The following MED30 variants were observed in gnomAD, a reference collection of about 807,000 sequenced individuals.
MED30 encodes mediator of RNA polymerase II transcription subunit 30.
In MED30, 8 loss-of-function variants were observed where a neutral mutation model predicts 21.7. The observed-to-expected ratio is 0.37, with a 90% confidence interval of 0.22 to 0.67. The LOEUF is 0.67. MED30 is among the 30% of genes least tolerant of loss of function. The pLI is 0.58. For synonymous variants in MED30, 79 were observed against 86.7 expected, an observed-to-expected ratio of 0.91 and a Z score of 0.49; for missense variants, 203 against 228.2, an observed-to-expected ratio of 0.89 and a Z score of 0.71.
intron 3 of MED30, among the ~76,000 whole-genome samples, chr8:117,531,642 C>G (rs1256717832): frequency 1.3e-5 from 2 of 151,300 alleles, no homozygotes; most frequent in African/African-American, 4.8e-5. Flanking sequence ...TGATAAAATT[C>G]AATACTGTTG....
chr8:117,531,689 G>A (rs1818793986), intron 3 of MED30, among the ~76,000 whole-genome samples: 3 of 151,822 alleles, frequency 2.0e-5, no homozygotes, highest in Admixed American at 2.0e-4. Context: ...TAGCAAGACA[G>A]TGTGTTTTTT....
chr8:117,530,941 T>G, intron 3 of MED30, 114 bp downstream of exon 3: 1 of 737,260 alleles, frequency 1.4e-6, no homozygotes, highest in Non-Finnish European at 2.2e-6. Context: ...AAGTTGTTTC[T>G]GCGGCAAACT....
intron 1 of MED30, among the ~76,000 whole-genome samples, chr8:117,524,693 T>C (rs1818692300): frequency 6.6e-6 from 1 of 152,228 alleles, no homozygotes; most frequent in South Asian, 2.1e-4. Flanking sequence ...TTCCTATCTC[T>C]TATACTATGT....
chr8:117,539,182 C>G (rs1455228038), intron 3 of MED30, among the ~76,000 whole-genome samples: 1 of 152,106 alleles, frequency 6.6e-6, no homozygotes, highest in East Asian at 1.9e-4. Flanking sequence ...ATAATTAGGT[C>G]AGTGTTGTAA....
intron 1 of MED30, among the ~76,000 whole-genome samples, chr8:117,521,583 A>G (rs1818622254): frequency 1.3e-5 from 2 of 152,038 alleles, no homozygotes; most frequent in Admixed American, 6.5e-5. Context: ...GTTTCTTCAT[A>G]CCCCTCTGAC....
chr8:117,531,986 C>G (rs968015210), intron 3 of MED30, among the ~76,000 whole-genome samples: 4 of 151,902 alleles, frequency 2.6e-5, no homozygotes, highest in African/African-American at 9.7e-5. Flanking sequence ...CATGCTCTTA[C>G]AATGCTGTAA....
At chr8:117,537,128 G>A (rs1818891925) in intron 3 of MED30, among the ~76,000 whole-genome samples, 1 of 152,220 alleles carries the variant, frequency 6.6e-6, no homozygotes, top group Admixed American at 6.5e-5. Context: ...GTATTTACAA[G>A]GTTGGCATTG....
intron 1 of MED30, among the ~76,000 whole-genome samples, chr8:117,521,878 T>C (rs946315791): frequency 1.3e-4 from 20 of 152,242 alleles, no homozygotes; most frequent in African/African-American, 3.4e-4. Flanking sequence ...CTATGAACTT[T>C]TGCTGACAAA....
chr8:117,523,692 G>A, intron 1 of MED30: 2 of 1,570,420 alleles, frequency 1.3e-6, no homozygotes, highest in Non-Finnish European at 1.7e-6. Flanking sequence ...ATCCTCCTTG[G>A]CCACCATGAT....
chr8:117,538,321 T>TG (rs1818916519), intron 3 of MED30, among the ~76,000 whole-genome samples: 1 of 152,222 alleles, frequency 6.6e-6, no homozygotes, highest in Admixed American at 6.5e-5. Context: ...TTGTGCTAGT[T>TG]CTCTTTTCAA....
intron 3 of MED30, among the ~76,000 whole-genome samples, chr8:117,536,262 A>G (rs1407338249): frequency 6.6e-6 from 1 of 152,200 alleles, no homozygotes; most frequent in Admixed American, 6.5e-5. Context: ...GTTTTGATGA[A>G]TATTTACAGA....
chr8:117,539,515 T>G (rs570525156), intron 3 of MED30, among the ~76,000 whole-genome samples: 1 of 152,190 alleles, frequency 6.6e-6, no homozygotes, highest in South Asian at 2.1e-4. Flanking sequence ...CTTCCAGAGA[T>G]CTGGCTCTAG....
At chr8:117,527,779 A>G (rs1169779987) in intron 1 of MED30, among the ~76,000 whole-genome samples, 2 of 151,640 alleles carry the variant, frequency 1.3e-5, no homozygotes, top group African/African-American at 4.8e-5. Flanking sequence ...ATACTAGAAA[A>G]CGTGGTACTG....
At position 117,528,808 on chromosome 8, in the gene MED30, A is replaced by C. The variant is rs1818757277; in HGVS notation, c.335A>C (p.Glu112Ala). 6.3e-7 allele frequency: 1 copy of C among 1,594,728 alleles called. No individual in the cohort carries two copies. The highest frequency in any genetic ancestry group is 1.4e-5 in the African/African-American group (1 of 74,030). The change falls in exon 2 of 4, where the codon GAG (glutamate) becomes GCG (alanine). Residue 112 changes from glutamate (E) to alanine (A), a missense_variant and splice_region_variant. By Grantham distance (107) the Glu-to-Ala change is moderately radical. Coordinates refer to ENST00000297347, the MANE Select transcript of MED30 (RefSeq NM_080651.4). ...NCGGMDPIPV[E>A]QLIPYVEEDG... ...GGTGGGATGGATCCCATTCCAGTCG[A>C]GGTAATTTTTTGTGATAGAGGGAGG...
In MED30 at chr8:117,520,985, G is replaced by C. The variant is rs755562472; in HGVS notation, c.109G>C (p.Gly37Arg). ...EVNTASLCRI[G>R]QETVQDIVYR... The stretch of plus-strand genomic sequence containing the variant: ...CAACACGGCGTCGCTGTGCCGCATC[G>C]GGCAGGAGACAGTGCAGGACATCGT... Residue 37 changes from glycine to arginine, a missense_variant, in exon 1 of 4, where the codon GGG becomes CGG. Coordinates refer to ENST00000297347, the MANE Select transcript of MED30 (RefSeq NM_080651.4). 3 of 1,613,146 alleles carry C rather than the reference G, an allele frequency of 1.9e-6. No individual in the cohort carries two copies. The highest frequency in any genetic ancestry group is 1.7e-5 in the Admixed American group (1 of 59,976).
At chr8:117,536,202 T>G (rs1039576592) in intron 3 of MED30, among the ~76,000 whole-genome samples, 3 of 152,186 alleles carry the variant, frequency 2.0e-5, no homozygotes, top group African/African-American at 7.2e-5. Context: ...TTGGAGAACA[T>G]AAGACTCCAG....
At chr8:117,527,636 CT>C (rs3040826) in intron 1 of MED30, among the ~76,000 whole-genome samples, 21,633 of 126,652 alleles carry the variant, frequency 0.17, 1,090 homozygotes, top group African/African-American at 0.25. Context: ...TTTTTTCTTT[CT>C]TTTTTTTTTT....
chr8:117,530,391 AT>A, intron 2 of MED30: 1 of 159,026 alleles, frequency 6.3e-6, no homozygotes, highest in East Asian at 1.7e-4. Flanking sequence ...ATAATTAAAT[AT>A]TTGCTGATTG....
intron 3 of MED30, among the ~76,000 whole-genome samples, chr8:117,533,403 G>T (rs954430262): frequency 4.1e-4 from 63 of 152,076 alleles, no homozygotes; most frequent in African/African-American, 1.5e-3. Flanking sequence ...TTCTCCCCAT[G>T]AGGATTTAGC....
Sources: gnomAD v4.1 joint callset for allele counts (sites outside exome capture counted in the v4.1 genomes callset) on GRCh38, gnomAD v4.1.1 for gene constraint, MANE v1.5 for transcripts, NCBI Gene and HGNC (gene_info 2026-07-23, HGNC 2026-07-21) for gene names.